MORC1: variants seen among roughly 807,000 people sequenced by gnomAD.
MORC1 encodes the protein MORC family CW-type zinc finger protein 1.
A neutral mutation model predicts 134.9 loss-of-function variants in MORC1; 59 were observed. The observed-to-expected ratio is 0.44, with a 90% CI of 0.35 to 0.54. MORC1 has a LOEUF of 0.54. Among genes scored for constraint, MORC1 ranks in the 20% least tolerant of loss-of-function variants. MORC1 has a pLI of 0.00. For synonymous variants in MORC1, 395 were observed against 391.7 expected (o/e 1.01, Z -0.10); for missense variants, 947 against 1,134.5 (o/e 0.83, Z 2.37).
At chr3:108,964,868 A>T (rs1947175177) in intron 26 of MORC1, among the ~76,000 whole-genome samples, 1 of 152,176 alleles carries the variant, frequency 6.6e-6, no homozygotes, top group Non-Finnish European at 1.5e-5. Flanking sequence ...TTTCAAACAC[A>T]TGGGTAAATC....
Position 109,110,382 on chromosome 3 carries a change from G to A in MORC1, c.154+367C>T, listed in dbSNP as rs148422178. 8 of 185,536 alleles carry A rather than the reference G, an allele frequency of 4.3e-5. No homozygotes were observed. The East Asian group carries it at 6.1e-4, about 14-fold the overall frequency. The allele number at this position is 185,536 out of a possible 1,614,324, so 11.5% of individuals were successfully genotyped here. A position where few individuals can be genotyped will look rare whatever the true frequency, so the allele number is the denominator to read the frequency against. ...TCTAGCCCTCATACCGCACATTCAC[G>A]TACACACTTTGAAACTACTAAGTTG... On this transcript the variant is annotated intron_variant, in intron 3 of 27. Transcript: ENST00000232603.
rs148937795 is a variant in MORC1, at chr3:109,084,118, G to T, written c.689+9318C>A. On this transcript the variant is annotated intron_variant, in intron 8 of 27. Coordinates refer to ENST00000232603, the MANE Select transcript of MORC1 (RefSeq NM_014429.4). ...CTGAAATAAGACAGGGACACCCACT[G>T]TCACCACTTTTATTCATAATACTGA... Among the ~76,000 whole-genome samples the T allele has an allele frequency of 3.0e-3, 451 of 152,204 alleles. 1 individual carries two copies. Among genetic ancestry groups the T allele is most frequent in the Non-Finnish European group, 4.5e-3 (305 of 67,992 alleles).
intron 24 of MORC1, among the ~76,000 whole-genome samples, chr3:108,975,292 GT>G (rs962185055): frequency 6.6e-6 from 1 of 152,162 alleles, no homozygotes; most frequent in Non-Finnish European, 1.5e-5. Flanking sequence ...TTGTAATAAT[GT>G]TTTTTGGCAG....
intron 21 of MORC1, among the ~76,000 whole-genome samples, chr3:108,998,555 CAG>C (rs1440602261): frequency 6.6e-6 from 1 of 152,126 alleles, no homozygotes; most frequent in Non-Finnish European, 1.5e-5. Flanking sequence ...TTAATAGACA[CAG>C]GGGCACATAC....
chr3:108,960,317 A>T (rs1442603353), intron 27 of MORC1, among the ~76,000 whole-genome samples: 1 of 152,228 alleles, frequency 6.6e-6, no homozygotes, highest in East Asian at 1.9e-4. Context: ...TGCCAAAACC[A>T]TTGTGCCTAG....
intron 17 of MORC1, among the ~76,000 whole-genome samples, chr3:109,020,764 C>CAAAAAAAAAA (rs66700715): frequency 2.5e-5 from 2 of 78,434 alleles, no homozygotes; most frequent in African/African-American, 5.1e-5. Context: ...GACTCTGTCT[C>CAAAAAAAAAA]AAAAAAAAAA....
rs1947084784 is a variant in MORC1 at position 108,961,679 on chromosome 3, G to A, written c.2799+1735C>T. 2.0e-5 allele frequency among the ~76,000 whole-genome samples: 3 copies of A among 152,296 alleles called. No individual in the cohort carries two copies. In the South Asian group the frequency reaches 6.2e-4, roughly 32 times the overall value. ...TTTGAGTACCTCTCCACTGAGATTA[G>A]GCAAAAGAGTTTCATACTCTGCTGG... is the stretch of plus-strand genomic sequence containing the variant. On this transcript the variant is annotated intron_variant, in intron 27 of 27. Transcript: ENST00000232603.
chr3:108,976,671 A>T (rs531441647), intron 24 of MORC1, among the ~76,000 whole-genome samples: 1 of 152,186 alleles, frequency 6.6e-6, no homozygotes, highest in Admixed American at 6.5e-5. Flanking sequence ...TTATCATAGA[A>T]TATTTTTAAT....
intron 23 of MORC1, among the ~76,000 whole-genome samples, chr3:108,982,726 TA>T (rs72358419): frequency 0.16 from 18,965 of 117,788 alleles, 1,653 homozygotes; most frequent in Admixed American, 0.23. Flanking sequence ...ACTTAAAGTA[TA>T]AAAAAAAAAA....
At chr3:108,964,574 C>A (rs1207958835) in intron 26 of MORC1, among the ~76,000 whole-genome samples, 1 of 152,144 alleles carries the variant, frequency 6.6e-6, no homozygotes, top group African/African-American at 2.4e-5. Flanking sequence ...CCTTTTTCTA[C>A]AAAATCCTTT....
chr3:109,082,162 T>C (rs1163441682), intron 8 of MORC1, among the ~76,000 whole-genome samples: 1 of 151,900 alleles, frequency 6.6e-6, no homozygotes, highest in South Asian at 2.1e-4. Flanking sequence ...GACAGGGCAG[T>C]GCTCTGATGA....
intron 27 of MORC1, among the ~76,000 whole-genome samples, chr3:108,960,320 G>A (rs1210419947): frequency 1.3e-5 from 2 of 152,168 alleles, no homozygotes; most frequent in Non-Finnish European, 2.9e-5. Context: ...CAAAACCATT[G>A]TGCCTAGATC....
intron 8 of MORC1, among the ~76,000 whole-genome samples, chr3:109,092,237 A>G (rs2107760227): frequency 6.6e-6 from 1 of 151,962 alleles, no homozygotes; most frequent in South Asian, 2.1e-4. Flanking sequence ...ATTTTTTTCC[A>G]AAAGAAAAAA....
chr3:109,094,433 A>T (rs547652510), intron 7 of MORC1, among the ~76,000 whole-genome samples: 5 of 152,220 alleles, frequency 3.3e-5, no homozygotes, highest in South Asian at 2.1e-4. Flanking sequence ...TGTTGAACAG[A>T]AAGTTGGTGG....
intron 9 of MORC1, 57 bp downstream of exon 9, chr3:109,069,575 G>A (rs570592458): frequency 2.8e-5 from 41 of 1,462,154 alleles, no homozygotes; most frequent in Admixed American, 4.2e-5. Context: ...ACTTTGGGGA[G>A]CATATCAATT....
chr3:109,103,993 T>G, intron 3 of MORC1, 76 bp from the exon 4 acceptor site: 1 of 1,318,086 alleles, frequency 7.6e-7, no homozygotes, highest in Non-Finnish European at 1.1e-6. Flanking sequence ...GCTAGAATAA[T>G]TATTCGTCTT....
chr3:109,085,019 T>C (rs969849709), intron 8 of MORC1, among the ~76,000 whole-genome samples: 1 of 152,112 alleles, frequency 6.6e-6, no homozygotes, highest in African/African-American at 2.4e-5. Context: ...AAGACTTAAA[T>C]GTAAGACCAA....
At position 109,115,328 on chromosome 3, in the gene MORC1, AACACACACACACACAC is replaced by A. The variant is rs58831825; in HGVS notation, c.66-907_66-892del. Among the ~76,000 whole-genome samples the A allele has an allele frequency of 2.2e-4, 32 of 148,770 alleles. No homozygotes were observed. In the East Asian group the frequency reaches 4.0e-3, roughly 19 times the overall value. ...ACTTTAGTTTAAAATGTATTTTTAA[AACACACACACACACAC>A]ACACACACACACACAGAGAGAGAGA... On this transcript the variant is annotated intron_variant, in intron 1 of 27. Transcript: ENST00000232603.
intron 21 of MORC1, among the ~76,000 whole-genome samples, chr3:108,994,201 CAT>C (rs3840212): frequency 0.13 from 19,233 of 152,068 alleles, 1,298 homozygotes; most frequent in Non-Finnish European, 0.15. Flanking sequence ...CCAGAGGATA[CAT>C]GTTTCATAAT....
Sources: allele counts gnomAD v4.1 joint callset (sites outside exome capture counted in the v4.1 genomes callset), GRCh38; gene constraint gnomAD v4.1.1; transcripts MANE v1.5; gene names NCBI Gene and HGNC (gene_info 2026-07-23, HGNC 2026-07-21).